The following C1orf185 variants were observed in gnomAD, a reference collection of about 807,000 sequenced individuals.
C1orf185 encodes the protein uncharacterized protein C1orf185.
Under a neutral mutation model 16.1 loss-of-function variants are expected in C1orf185, and 13 were observed. The observed-to-expected ratio is 0.81, with a 90% CI of 0.53 to 1.28. The LOEUF is 1.28. Among genes scored for constraint, C1orf185 ranks in the 50% most tolerant of loss-of-function variants. The pLI is 0.00. For synonymous variants in C1orf185, 80 were observed against 76.9 expected, an observed-to-expected ratio of 1.04 and a Z score of -0.21; for missense variants, 220 against 225.2, an observed-to-expected ratio of 0.98 and a Z score of 0.15.
At chr1:51,113,223 A>G (rs973732213) in intron 2 of C1orf185, among the ~76,000 whole-genome samples, 3 of 152,108 alleles carry the variant, frequency 2.0e-5, no homozygotes, top group African/African-American at 4.8e-5. Flanking sequence ...AAAGGAAAGA[A>G]ACTTTTTCTT....
intron 3 of C1orf185, among the ~76,000 whole-genome samples, chr1:51,136,889 A>G (rs1427283744): frequency 2.0e-5 from 3 of 152,228 alleles, no homozygotes; most frequent in Non-Finnish European, 4.4e-5. Context: ...AATTGCAACA[A>G]AAGCAAAAAT....
chr1:51,147,915 A>C lies in C1orf185; in HGVS notation c.*144A>C, dbSNP rs1253724572. 1.4e-6 allele frequency: 1 copy of C among 718,600 alleles called. No homozygotes were observed. Among genetic ancestry groups the C allele is most frequent in the Non-Finnish European group, 2.1e-6 (1 of 469,962 alleles). 44.5% of individuals were successfully genotyped at this position (718,600 alleles called of 1,614,324 possible). A position where few individuals can be genotyped will look rare whatever the true frequency, so the allele number is the denominator to read the frequency against. On this transcript the variant is annotated 3_prime_UTR_variant, in exon 5 of 5. Coordinates refer to ENST00000371759, the MANE Select transcript of C1orf185 (RefSeq NM_001136508.2). ...AGCTTCTGAGTCTCTTAACATGTCC[A>C]TGCTAATATTGCTTTTTTTGTTCTT... is the stretch of plus-strand genomic sequence containing the variant.
chr1:51,141,659 T>C (rs902757225), intron 3 of C1orf185, among the ~76,000 whole-genome samples: 3 of 152,116 alleles, frequency 2.0e-5, no homozygotes, highest in Non-Finnish European at 4.4e-5. Flanking sequence ...AATGTGTGTA[T>C]GGGTGTGTAT....
At chr1:51,112,397 T>A in intron 1 of C1orf185, 67 bp from the exon 2 acceptor site, 1 of 1,268,266 alleles carries the variant, frequency 7.9e-7, no homozygotes, top group Admixed American at 2.3e-5. Flanking sequence ...TTGAAGTTTA[T>A]CATTCAGTTT....
At chr1:51,144,953 G>C (rs1646389242) in intron 3 of C1orf185, among the ~76,000 whole-genome samples, 1 of 151,992 alleles carries the variant, frequency 6.6e-6, no homozygotes, top group Non-Finnish European at 1.5e-5. Flanking sequence ...TGCAGAATGT[G>C]TTACAGTGTA....
intron 3 of C1orf185, among the ~76,000 whole-genome samples, chr1:51,143,583 G>A (rs557335054): frequency 5.9e-5 from 9 of 152,202 alleles, no homozygotes; most frequent in African/African-American, 2.2e-4. Flanking sequence ...TTTAACAGTT[G>A]AAAGAATATG....
At chr1:51,143,652 A>T (rs1646381087) in intron 3 of C1orf185, among the ~76,000 whole-genome samples, 1 of 152,120 alleles carries the variant, frequency 6.6e-6, no homozygotes, top group South Asian at 2.1e-4. Flanking sequence ...TCGGGATTTT[A>T]TAAAAATTAA....
intron 3 of C1orf185, chr1:51,129,538 A>ACTAC (rs1159592306): frequency 1.3e-5 from 2 of 152,410 alleles, no homozygotes; most frequent in Admixed American, 6.5e-5. Context: ...CAGCCTCCTG[A>ACTAC]GTAGCTAGGA....
chr1:51,105,554 T>C (rs950913545), intron 1 of C1orf185, among the ~76,000 whole-genome samples: 4 of 152,172 alleles, frequency 2.6e-5, no homozygotes, highest in Non-Finnish European at 5.9e-5. Context: ...CATTGAATAT[T>C]TAATCATTTA....
rs1178752299 is a variant in C1orf185, at chr1:51,102,248, AG to A, written c.16+1del. 1 of 716,258 alleles carries A rather than the reference AG, an allele frequency of 1.4e-6. No homozygotes were observed. Among genetic ancestry groups the A allele is most frequent in the African/African-American group, 1.7e-5 (1 of 57,238 alleles). The allele number at this position is 716,258 out of a possible 1,614,324, so 44.4% of individuals were successfully genotyped here. A position where few individuals can be genotyped will look rare whatever the true frequency, so the allele number is the denominator to read the frequency against. ...AACTCAGTCATATGGCTTCACCTAA[AG>A]GTATGAGAAGCTGGGTCATGTAGTC... Reference protein sequence around the residue: MASPKGFFNYLTYFLA... With the variant: MASPKXFFNYLTYFLA... On this transcript the variant is annotated frameshift_variant and splice_region_variant, in exon 1 of 5. Transcript: ENST00000371759. LOFTEE classifies it high-confidence loss of function.
At chr1:51,134,748 TA>T (rs1570314795) in intron 3 of C1orf185, among the ~76,000 whole-genome samples, 1 of 152,178 alleles carries the variant, frequency 6.6e-6, no homozygotes, top group Non-Finnish European at 1.5e-5. Flanking sequence ...CTAGAAAATC[TA>T]AAAGAAATGG....
At chr1:51,105,454 A>C (rs1339192765) in intron 1 of C1orf185, among the ~76,000 whole-genome samples, 2 of 152,204 alleles carry the variant, frequency 1.3e-5, no homozygotes. Flanking sequence ...GAACTTAAAA[A>C]ATATGTATGT....
intron 3 of C1orf185, among the ~76,000 whole-genome samples, chr1:51,131,057 C>T (rs1428226404): frequency 6.6e-6 from 1 of 152,172 alleles, no homozygotes; most frequent in East Asian, 1.9e-4. Flanking sequence ...CATGCACCAC[C>T]ATGCCTGGCT....
chr1:51,147,476 A>T lies in C1orf185; in HGVS notation c.305A>T (p.Asp102Val), dbSNP rs753636308. 2 of 1,523,836 alleles carry T rather than the reference A, an allele frequency of 1.3e-6. No homozygotes were observed. Among genetic ancestry groups the T allele is most frequent in the Non-Finnish European group, 1.8e-6 (2 of 1,136,212 alleles). The allele number at this position is 1,523,836 out of a possible 1,614,324, so 94.4% of individuals were successfully genotyped here. A position where few individuals can be genotyped will look rare whatever the true frequency, so the allele number is the denominator to read the frequency against. ...KEAAHIKAIK[D>V]HSKDEPQLAT... is the part of the protein sequence containing the mutation. ...AAATCTGTTTTTACAGCAATTAAAG[A>T]TCATTCTAAAGATGAACCCCAACTT... The change falls in exon 5 of 5, where the codon GAT (aspartate) becomes GTT (valine). Residue 102 changes from aspartate to valine, a missense_variant. Asp to Val is a radical substitution (Grantham distance 152). Coordinates refer to ENST00000371759, the MANE Select transcript of C1orf185 (RefSeq NM_001136508.2).
chr1:51,114,845 A>G (rs1367657068), intron 2 of C1orf185, among the ~76,000 whole-genome samples: 1 of 152,238 alleles, frequency 6.6e-6, no homozygotes, highest in African/African-American at 2.4e-5. Context: ...TATCAGTTTC[A>G]ACAAATATAC....
intron 1 of C1orf185, among the ~76,000 whole-genome samples, chr1:51,105,205 G>C (rs933561499): frequency 1.3e-5 from 2 of 151,978 alleles, no homozygotes; most frequent in Non-Finnish European, 2.9e-5. Context: ...CACCTCAGAT[G>C]ATCTGCCTGC....
intron 3 of C1orf185, among the ~76,000 whole-genome samples, chr1:51,139,572 A>T (rs1646350009): frequency 6.6e-6 from 1 of 152,188 alleles, no homozygotes; most frequent in South Asian, 2.1e-4. Context: ...ATAGTCTTGG[A>T]TTTAAACTGC....
At chr1:51,116,768 T>C (rs1646161079) in intron 2 of C1orf185, among the ~76,000 whole-genome samples, 1 of 152,190 alleles carries the variant, frequency 6.6e-6, no homozygotes. Context: ...GTGTTTCTGT[T>C]ACATTGTCCT....
chr1:51,125,026 C>T (rs1646230256), intron 3 of C1orf185, among the ~76,000 whole-genome samples: 2 of 152,198 alleles, frequency 1.3e-5, no homozygotes, highest in Admixed American at 1.3e-4. Context: ...TAGGCCCTGC[C>T]TAGCATTGGA....
Sources: gnomAD v4.1 joint callset for allele counts (sites outside exome capture counted in the v4.1 genomes callset) on GRCh38, gnomAD v4.1.1 for gene constraint, MANE v1.5 for transcripts, NCBI Gene and HGNC (gene_info 2026-07-23, HGNC 2026-07-21) for gene names.